Variants in ZNF91 observed in about 807,000 individuals in gnomAD.
The protein encoded by ZNF91 is zinc finger protein 91 (HPF7, HTF10).
ZNF91 carries 7 observed loss-of-function variants against 12.6 expected under a neutral mutation model. That is an observed-to-expected ratio of 0.55 (90% CI 0.31 to 1.04). The LOEUF (loss-of-function observed/expected upper bound fraction) is 1.04, where lower values mean the gene tolerates loss of function less well. ZNF91 is among the 50% of genes least tolerant of loss of function. The pLI, the probability that ZNF91 is intolerant of heterozygous loss-of-function variation, is 0.05. For missense variants in ZNF91, 1,217 were observed against 1,385.4 expected, an observed-to-expected ratio of 0.88 and a Z score of 1.93; for synonymous variants, 453 against 462.6, an observed-to-expected ratio of 0.98 and a Z score of 0.27.
At chr19:23,387,499 C>G (rs1490529717) in intron 1 of ZNF91, among the ~76,000 whole-genome samples, 1 of 152,086 alleles carries the variant, frequency 6.6e-6, no homozygotes, top group African/African-American at 2.4e-5. Flanking sequence ...GGTGGACTGC[C>G]TGAGCTCAGG....
chr19:23,323,779 CTT>C (rs970255005), intron 1 of ZNF91, among the ~76,000 whole-genome samples: 8 of 149,584 alleles, frequency 5.3e-5, no homozygotes, highest in African/African-American at 2.0e-4. Context: ...TCCTCCTTCT[CTT>C]TCTTCTTCCT....
chr19:23,305,602 T>C (rs1967386437), intron 3 of ZNF91, among the ~76,000 whole-genome samples: 1 of 152,170 alleles, frequency 6.6e-6, no homozygotes, highest in African/African-American at 2.4e-5. Flanking sequence ...GCCAATTAGT[T>C]TAGCCCAGGT....
At chr19:23,306,804 C>G (rs1297523479) in intron 3 of ZNF91, 1 of 150,856 alleles carries the variant, frequency 6.6e-6, no homozygotes, top group African/African-American at 2.4e-5. Flanking sequence ...ATTTTTTTTT[C>G]TTTTGAGATG....
At chr19:23,336,998 T>C (rs1968022708), downstream of ZNF91, among the ~76,000 whole-genome samples, 1 of 152,222 alleles carries the variant, frequency 6.6e-6, no homozygotes, top group African/African-American at 2.4e-5. Context: ...AATTTATTTA[T>C]ACAAATGTGT....
intron 3 of ZNF91, among the ~76,000 whole-genome samples, chr19:23,343,686 A>G (rs1968166456): frequency 6.7e-6 from 1 of 149,152 alleles, no homozygotes; most frequent in Admixed American, 6.6e-5. Context: ...AGGGGAAGAG[A>G]GAGAGTAAAG....
chr19:23,390,514 C>T (rs114905633), intron 1 of ZNF91, among the ~76,000 whole-genome samples: 1,891 of 152,172 alleles, frequency 0.012, 32 homozygotes, highest in African/African-American at 0.042. Flanking sequence ...ACCACCACCA[C>T]GCCCGACTAA....
intron 1 of ZNF91, among the ~76,000 whole-genome samples, chr19:23,393,279 A>T (rs1252199460): frequency 1.3e-5 from 2 of 151,956 alleles, no homozygotes; most frequent in Non-Finnish European, 2.9e-5. Flanking sequence ...AATTAACTTT[A>T]AAAAAAAGTG....
At chr19:23,314,057 TGAATGTCACATG>T (rs1330329246), upstream of ZNF91, among the ~76,000 whole-genome samples, 1 of 152,034 alleles carries the variant, frequency 6.6e-6, no homozygotes, top group African/African-American at 2.4e-5. Flanking sequence ...TGTAGGTCCA[TGAATGTCACATG>T]GAATTGTGAC....
intron 1 of ZNF91, among the ~76,000 whole-genome samples, chr19:23,388,500 T>C (rs935328308): frequency 3.3e-5 from 5 of 152,056 alleles, no homozygotes; most frequent in Non-Finnish European, 7.4e-5. Flanking sequence ...GTAAACAAAG[T>C]AACATGGAAC....
intron 1 of ZNF91, among the ~76,000 whole-genome samples, chr19:23,378,542 C>T (rs993175736): frequency 2.0e-5 from 3 of 152,210 alleles, no homozygotes; most frequent in Middle Eastern, 3.4e-3. Context: ...AATTTTATAT[C>T]ACATACTAAT....
chr19:23,369,174 GTGACGT>G (rs1218372884), intron 3 of ZNF91, among the ~76,000 whole-genome samples: 2 of 152,160 alleles, frequency 1.3e-5, no homozygotes, highest in African/African-American at 2.4e-5. Flanking sequence ...CCCAGGTGTG[GTGACGT>G]GTGCCTGTAA....
At chr19:23,309,473 C>T (rs531937977) in intron 1 of ZNF91, among the ~76,000 whole-genome samples, 2 of 152,072 alleles carry the variant, frequency 1.3e-5, no homozygotes, top group Non-Finnish European at 2.9e-5. Flanking sequence ...TTGTCTGTGC[C>T]CTGCTTTTAG....
At chr19:23,332,889 G>A (rs1251958531) in intron 1 of ZNF91, among the ~76,000 whole-genome samples, 3 of 152,206 alleles carry the variant, frequency 2.0e-5, no homozygotes, top group Non-Finnish European at 4.4e-5. Context: ...AGCAGGCTGA[G>A]ACCCAGTGGG....
At chr19:23,351,193 C>T (rs1014912037) in intron 3 of ZNF91, among the ~76,000 whole-genome samples, 52 of 152,076 alleles carry the variant, frequency 3.4e-4, no homozygotes, top group Admixed American at 1.2e-3. Flanking sequence ...GGCATGATGG[C>T]GCATGCCTGT....
upstream of ZNF91, among the ~76,000 whole-genome samples, chr19:23,315,257 A>G (rs1967535563): frequency 6.6e-6 from 1 of 152,100 alleles, no homozygotes; most frequent in Non-Finnish European, 1.5e-5. Flanking sequence ...GCTGGGTCCA[A>G]CACCTAGGTG....
In ZNF91 at chr19:23,358,519, G is replaced by A. The variant is rs1392364488; in HGVS notation, c.*884C>T. 2 of 152,096 alleles carry A rather than the reference G, an allele frequency of 1.3e-5. No homozygotes were observed. The highest frequency in any genetic ancestry group is 4.8e-5 in the African/African-American group (2 of 41,404). 9.4% of individuals were successfully genotyped at this position (152,096 alleles called of 1,614,324 possible). A position where few individuals can be genotyped will look rare whatever the true frequency, so the allele number is the denominator to read the frequency against. On this transcript the variant is annotated 3_prime_UTR_variant, in exon 4 of 4. Transcript: ENST00000300619. ...TCTGTACTTTAAAGACATATTTTCT[G>A]ATCAGTCGTTTGACAGTAATTACAC...
At chr19:23,327,275 C>G (rs890040421) in intron 1 of ZNF91, 1 of 152,092 alleles carries the variant, frequency 6.6e-6, no homozygotes, top group Non-Finnish European at 1.5e-5. Flanking sequence ...GGAGAACATA[C>G]TTTACCCTGA....
chr19:23,343,082 G>GTT (rs1288896376), intron 3 of ZNF91, among the ~76,000 whole-genome samples: 1 of 152,210 alleles, frequency 6.6e-6, no homozygotes, highest in Non-Finnish European at 1.5e-5. Flanking sequence ...CAAAACCACT[G>GTT]TAGGTACTGT....
intron 1 of ZNF91, among the ~76,000 whole-genome samples, chr19:23,379,750 T>A (rs1969630047): frequency 6.6e-6 from 1 of 152,288 alleles, no homozygotes; most frequent in Non-Finnish European, 1.5e-5. Flanking sequence ...TAGGGTGCTA[T>A]CTTTTTGGCT....
Sources: allele counts gnomAD v4.1 joint callset (sites outside exome capture counted in the v4.1 genomes callset), GRCh38; gene constraint gnomAD v4.1.1; transcripts MANE v1.5; gene names NCBI Gene and HGNC (gene_info 2026-07-23, HGNC 2026-07-21).